Variants in PBX1 observed in about 807,000 individuals in gnomAD.
The protein encoded by PBX1 is pre-B-cell leukemia transcription factor 1.
Under a neutral mutation model 53.4 loss-of-function variants are expected in PBX1, and 6 were observed. The ratio of observed to expected loss-of-function variants is 0.11; its 90% CI spans 0.06 to 0.22. PBX1 has a LOEUF of 0.22. Ranked by LOEUF, PBX1 falls within the 10% of genes least tolerant of loss-of-function variation. The pLI is 1.00. For missense variants in PBX1, 251 were observed against 551.4 expected (o/e 0.46, Z 5.46); for synonymous variants, 204 against 212.3 (o/e 0.96, Z 0.34).
chr1:164,820,668 C>G (rs1670106983), intron 7 of PBX1, among the ~76,000 whole-genome samples: 1 of 152,170 alleles, frequency 6.6e-6, no homozygotes, highest in Non-Finnish European at 1.5e-5. Flanking sequence ...AAATACATTT[C>G]TTAGTCATCC....
At chr1:164,800,026 C>G (rs1267643447) in intron 4 of PBX1, 137 bp downstream of exon 4, 1 of 740,156 alleles carries the variant, frequency 1.4e-6, no homozygotes, top group South Asian at 2.0e-5. Context: ...GATGGTTCTG[C>G]GAGACTAGAT....
chr1:164,603,928 C>CTTTTTTTTTTTT (rs1557885817), intron 2 of PBX1, among the ~76,000 whole-genome samples: 3 of 48,726 alleles, frequency 6.2e-5, no homozygotes, highest in African/African-American at 9.0e-5. Context: ...TATGTCATTT[C>CTTTTTTTTTTTT]ATTTTTTTTT....
chr1:164,855,352 C>T (rs542777120), downstream of PBX1, among the ~76,000 whole-genome samples: 23 of 152,306 alleles, frequency 1.5e-4, no homozygotes, highest in African/African-American at 4.8e-4. Context: ...CACTCCATTG[C>T]CAGAAGTAAA....
At chr1:164,818,357 C>T (rs1455133639) in intron 6 of PBX1, 1 of 152,176 alleles carries the variant, frequency 6.6e-6, no homozygotes, top group Non-Finnish European at 1.5e-5. Flanking sequence ...AGATCTTACA[C>T]TTGTTTTGCT....
intron 2 of PBX1, among the ~76,000 whole-genome samples, chr1:164,873,045 C>A (rs1054236157): frequency 3.3e-5 from 5 of 152,164 alleles, no homozygotes; most frequent in Non-Finnish European, 5.9e-5. Context: ...GTGTTATAAT[C>A]CTCATTTTAT....
chr1:164,560,181 G>A (rs1279658637), intron 1 of PBX1, 168 bp downstream of exon 1: 4 of 548,078 alleles, frequency 7.3e-6, no homozygotes, highest in Non-Finnish European at 3.2e-6. Flanking sequence ...TTGAAGGAGC[G>A]TTGTTATCGA....
intron 2 of PBX1, among the ~76,000 whole-genome samples, chr1:164,597,472 T>C (rs1395521890): frequency 6.6e-6 from 1 of 152,182 alleles, no homozygotes; most frequent in Non-Finnish European, 1.5e-5. Flanking sequence ...ATGGAGCTAT[T>C]TGGGGGTGCA....
At chr1:164,618,136 C>T (rs1253099419) in intron 2 of PBX1, among the ~76,000 whole-genome samples, 1 of 152,140 alleles carries the variant, frequency 6.6e-6, no homozygotes, top group Non-Finnish European at 1.5e-5. Flanking sequence ...TGCCATTGCT[C>T]TTGAATTATA....
intron 2 of PBX1, among the ~76,000 whole-genome samples, chr1:164,579,350 C>T (rs1654462373): frequency 6.6e-6 from 1 of 152,172 alleles, no homozygotes; most frequent in Non-Finnish European, 1.5e-5. Flanking sequence ...ATACCCTCCC[C>T]TTCTCTCCCT....
chr1:164,649,000 T>C (rs901806164), intron 2 of PBX1, among the ~76,000 whole-genome samples: 1 of 152,180 alleles, frequency 6.6e-6, no homozygotes, highest in African/African-American at 2.4e-5. Flanking sequence ...ACTTAGGCTG[T>C]TTGCCTCTTT....
intron 4 of PBX1, 117 bp from the exon 5 acceptor site, chr1:164,807,425 T>C: frequency 7.6e-7 from 1 of 1,314,922 alleles, no homozygotes; most frequent in Non-Finnish European, 1.0e-6. Context: ...GTAAATCTGC[T>C]CCAAATTCAC....
At chr1:164,807,520 T>C in intron 4 of PBX1, 22 bp from the exon 5 acceptor site, 1 of 1,609,540 alleles carries the variant, frequency 6.2e-7, no homozygotes, top group South Asian at 1.1e-5. Flanking sequence ...TTTTTGTTAT[T>C]ATTTCCTTTC....
chr1:164,731,184 G>T (rs1322056533), intron 2 of PBX1, among the ~76,000 whole-genome samples: 1 of 152,046 alleles, frequency 6.6e-6, no homozygotes, highest in African/African-American at 2.4e-5. Context: ...AGGCTCTAGG[G>T]ACTTCTCCAT....
intron 2 of PBX1, among the ~76,000 whole-genome samples, chr1:164,735,453 C>T (rs554163547): frequency 1.1e-4 from 16 of 151,908 alleles, no homozygotes; most frequent in Middle Eastern, 3.2e-3. Flanking sequence ...GGGAACAAAG[C>T]TGAAAAGAGA....
At chr1:164,595,037 T>A (rs1345202999) in intron 2 of PBX1, among the ~76,000 whole-genome samples, 1 of 152,230 alleles carries the variant, frequency 6.6e-6, no homozygotes, top group Non-Finnish European at 1.5e-5. Flanking sequence ...TACTTTTATA[T>A]CCTCTCTTAT....
chr1:164,751,441 T>C (rs1029861175), intron 2 of PBX1, among the ~76,000 whole-genome samples: 5 of 152,274 alleles, frequency 3.3e-5, no homozygotes, highest in African/African-American at 1.2e-4. Flanking sequence ...CAAGAGAATC[T>C]GGCCATCTTC....
chr1:164,567,947 C>T (rs1356601289), intron 2 of PBX1, among the ~76,000 whole-genome samples: 4 of 151,852 alleles, frequency 2.6e-5, no homozygotes, highest in South Asian at 2.1e-4. Context: ...TGAGCTGGGC[C>T]GGGTGTGGGT....
chr1:164,759,249 T>C (rs1337121419), intron 2 of PBX1, among the ~76,000 whole-genome samples: 1 of 152,194 alleles, frequency 6.6e-6, no homozygotes, highest in Non-Finnish European at 1.5e-5. Context: ...AAGAAACCAA[T>C]ATACAGGCAA....
intron 2 of PBX1, among the ~76,000 whole-genome samples, chr1:164,663,549 C>T (rs951524719): frequency 2.0e-5 from 3 of 152,134 alleles, no homozygotes; most frequent in South Asian, 2.1e-4. Flanking sequence ...TACTTATCAT[C>T]GACATGCTGT....
Sources: allele counts gnomAD v4.1 joint callset (sites outside exome capture counted in the v4.1 genomes callset), GRCh38; gene constraint gnomAD v4.1.1; transcripts MANE v1.5; gene names NCBI Gene and HGNC (gene_info 2026-07-23, HGNC 2026-07-21).